The following TMEM223 variants were observed in gnomAD, a reference collection of about 807,000 sequenced individuals.
The protein encoded by TMEM223 is transmembrane protein 223.
Under a neutral mutation model 14.1 loss-of-function variants are expected in TMEM223, and 14 were observed. That is an observed-to-expected ratio of 0.99 (90% CI 0.66 to 1.55). The LOEUF is 1.55. Among genes scored for constraint, TMEM223 ranks in the 40% most tolerant of loss-of-function variants. The probability of loss-of-function intolerance (pLI) is 0.00; values close to 1 mark genes in which losing one functional copy is unlikely to be tolerated. For synonymous variants in TMEM223, 145 were observed against 120.5 expected (o/e 1.20, Z -1.33); for missense variants, 346 against 269.9 (o/e 1.28, Z -1.97).
chr11:62,774,580 C>T (rs1052685863), intron 2 of TMEM223: 30 of 454,464 alleles, frequency 6.6e-5, no homozygotes, highest in East Asian at 4.2e-4. Flanking sequence ...ATCACTTTGG[C>T]GCACGGGAGC....
At chr11:62,782,818 G>A (rs1252406003), downstream of TMEM223, 2 of 1,614,046 alleles carry the variant, frequency 1.2e-6, no homozygotes, top group Admixed American at 1.7e-5. Flanking sequence ...CATGCTCTTG[G>A]CTGGAAGGTG....
chr11:62,781,547 G>T (rs868467951), intron 1 of TMEM223, among the ~76,000 whole-genome samples: 10 of 151,644 alleles, frequency 6.6e-5, no homozygotes, highest in Admixed American at 6.6e-4. Flanking sequence ...GGTGGCAGGC[G>T]CCTGTAGTCC....
At chr11:62,786,595 C>T (rs1416575097), downstream of TMEM223, 3 of 1,580,020 alleles carry the variant, frequency 1.9e-6, no homozygotes, top group East Asian at 2.2e-5. Context: ...CAGGGGGTGC[C>T]GGCGCCTGGA....
At chr11:62,786,796 G>C, downstream of TMEM223, 1 of 1,610,416 alleles carries the variant, frequency 6.2e-7, no homozygotes, top group Non-Finnish European at 8.5e-7. Context: ...CACACGCTTT[G>C]GCACCGGCCA....
At chr11:62,787,038 G>C (rs1181764319), downstream of TMEM223, 3 of 1,511,058 alleles carry the variant, frequency 2.0e-6, no homozygotes, top group Middle Eastern at 3.8e-4. Context: ...CCCGGCAGCA[G>C]GGCCCCGGGA....
exon 3 of TMEM223, chr11:62,771,833 C>T (rs1166121563): frequency 1.0e-5 from 3 of 297,520 alleles, no homozygotes; most frequent in Non-Finnish European, 2.0e-5. Flanking sequence ...TAGGGAAACT[C>T]CCTCCGTGCC....
At chr11:62,786,936 G>A, downstream of TMEM223, 1 of 1,466,624 alleles carries the variant, frequency 6.8e-7, no homozygotes, top group Non-Finnish European at 8.9e-7. Context: ...AGAGCCCCCG[G>A]GGCAGCGGCG....
At chr11:62,785,596 G>A (rs1032490189), downstream of TMEM223, among the ~76,000 whole-genome samples, 4 of 150,528 alleles carry the variant, frequency 2.7e-5, no homozygotes, top group African/African-American at 7.4e-5. Flanking sequence ...GTGCGGTGGT[G>A]TGATCTCGGC....
chr11:62,782,894 C>G (rs2084241023), downstream of TMEM223: 1 of 1,584,232 alleles, frequency 6.3e-7, no homozygotes, highest in South Asian at 1.1e-5. Context: ...AGTACTTGTG[C>G]ATCGTTATCT....
At chr11:62,775,892 G>A (rs184180615) in intron 1 of TMEM223, 7 of 1,613,814 alleles carry the variant, frequency 4.3e-6, no homozygotes, top group African/African-American at 4.0e-5. Context: ...GGCGCTGCTC[G>A]CAGAGGACGT....
At chr11:62,786,709 C>G (rs1415504038), downstream of TMEM223, 5 of 1,612,906 alleles carry the variant, frequency 3.1e-6, no homozygotes. Flanking sequence ...GGGCGCGGGG[C>G]CGGAGGACCC....
chr11:62,791,868 G>C lies in TMEM223; in HGVS notation c.127C>G (p.Arg43Gly), dbSNP rs756262183. 3.1e-6 allele frequency: 5 copies of C among 1,593,126 alleles called. No homozygotes were observed. The highest frequency in any genetic ancestry group is 4.3e-6 in the Non-Finnish European group (5 of 1,170,566). ...AACAGCCCGAGGATGGTGAAGAAGC[G>C]GCCCCGATCATGCTCAAAGAGCAGC... ...DVLLFEHDRG[R>G]FFTILGLFCA... Residue 43 changes from arginine to glycine, a missense_variant, in exon 1 of 2, where the codon CGC becomes GGC. Arg to Gly is a moderately radical substitution (Grantham distance 125, BLOSUM62 -2). Coordinates refer to ENST00000307366, the MANE Select transcript of TMEM223 (RefSeq NM_001080501.3).
At chr11:62,789,546 G>A, downstream of TMEM223, 1 of 1,566,992 alleles carries the variant, frequency 6.4e-7, no homozygotes, top group Non-Finnish European at 8.7e-7. Context: ...GGGCACAGGT[G>A]TGCCTCGGAT....
Position 62,776,515 on chromosome 11 carries a change from A to G in TMEM223, c.315-1850T>C, listed in dbSNP as rs767381908. On this transcript the variant is annotated intron_variant, in intron 1 of 2. Coordinates refer to the TMEM223 transcript ENST00000528367. ...CAGAGGGCTCAGGTGGCATGAGGCC[A>G]CTTCCATGTCCAGTTCAGGGCTGGC... 6 of 1,582,610 alleles carry G rather than the reference A, an allele frequency of 3.8e-6. No individual in the cohort carries two copies. In the South Asian group the frequency reaches 6.6e-5, roughly 17 times the overall value.
At chr11:62,783,113 C>A (rs998301309), downstream of TMEM223, among the ~76,000 whole-genome samples, 1 of 152,202 alleles carries the variant, frequency 6.6e-6, no homozygotes, top group African/African-American at 2.4e-5. Context: ...GAGCATTTTA[C>A]ACATGAATAG....
downstream of TMEM223, chr11:62,788,015 C>T: frequency 2.2e-6 from 1 of 459,636 alleles, no homozygotes; most frequent in South Asian, 1.5e-5. Context: ...TAATTTACAT[C>T]GTTTACCCCA....
Position 62,780,557 on chromosome 11 carries a change from G to A in TMEM223, c.315-5892C>T, listed in dbSNP as rs1024149839. Among the ~76,000 whole-genome samples, 8 of 151,974 alleles carry A rather than the reference G, an allele frequency of 5.3e-5. No individual in the cohort carries two copies. In the East Asian group the frequency reaches 1.4e-3, roughly 26 times the overall value. On this transcript the variant is annotated intron_variant, in intron 1 of 2. Transcript: ENST00000528367. The stretch of plus-strand genomic sequence containing the variant: ...TGCACTCCAGCCTGGCTGATAGAAC[G>A]AAACTCCGTCTCAAAGAAAAACGAA...
At chr11:62,782,551 C>A, downstream of TMEM223, 1 of 1,279,656 alleles carries the variant, frequency 7.8e-7, no homozygotes, top group Non-Finnish European at 1.1e-6. Context: ...GGTCCTAGGC[C>A]AGTCACCCCT....
chr11:62,783,865 T>C (rs2084249167), downstream of TMEM223, among the ~76,000 whole-genome samples: 1 of 151,222 alleles, frequency 6.6e-6, no homozygotes, highest in Admixed American at 6.6e-5. Flanking sequence ...AGTTCTATTC[T>C]GTTGATATGC....
Sources: allele counts gnomAD v4.1 joint callset (sites outside exome capture counted in the v4.1 genomes callset), GRCh38; gene constraint gnomAD v4.1.1; transcripts MANE v1.5; gene names NCBI Gene and HGNC (gene_info 2026-07-23, HGNC 2026-07-21).